The following MAP3K15 variants were observed in gnomAD, a reference collection of about 807,000 sequenced individuals.
The protein encoded by MAP3K15 is mitogen-activated protein kinase kinase kinase 15.
A neutral mutation model predicts 99.5 loss-of-function variants in MAP3K15; 124 were observed. The observed-to-expected ratio is 1.25, with a 90% confidence interval of 1.08 to 1.45. MAP3K15 has a LOEUF of 1.45. Ranked by LOEUF, MAP3K15 falls within the 40% of genes most tolerant of loss-of-function variation. The pLI is 0.00. For missense variants in MAP3K15, 1,242 were observed against 1,079.7 expected, an observed-to-expected ratio of 1.15 and a Z score of -2.11; for synonymous variants, 494 against 439.6, an observed-to-expected ratio of 1.12 and a Z score of -1.55.
At chrX:19,361,632 A>C in intron 26 of MAP3K15, 39 bp from the exon 27 acceptor site, 1 of 962,619 alleles carries the variant, frequency 1.0e-6, no homozygotes, top group Admixed American at 2.6e-5. Context: ...TAGTCTAACC[A>C]TAAAACTCTT....
intron 1 of MAP3K15, among the ~76,000 whole-genome samples, chrX:19,492,234 G>A (rs2064373129): frequency 9.1e-6 from 1 of 110,252 alleles, no homozygotes; most frequent in Non-Finnish European, 1.9e-5. Flanking sequence ...CTCAAGGCCG[G>A]CTTTGTTTCA....
chrX:19,384,856 A>T (rs1293327795), intron 18 of MAP3K15, among the ~76,000 whole-genome samples: 2 of 109,725 alleles, frequency 1.8e-5, no homozygotes, highest in South Asian at 7.9e-4. Flanking sequence ...GAGGTAATAA[A>T]TACCTTATTT....
chrX:19,478,845 C>T (rs1439247741), intron 3 of MAP3K15, among the ~76,000 whole-genome samples: 2 of 109,590 alleles, frequency 1.8e-5, no homozygotes, highest in African/African-American at 6.7e-5. Context: ...GGCTTTAGGA[C>T]ATGACAAATG....
chrX:19,388,986 C>T (rs893045889), intron 18 of MAP3K15, among the ~76,000 whole-genome samples: 11 of 111,869 alleles, frequency 9.8e-5, no homozygotes, highest in African/African-American at 3.3e-4. Flanking sequence ...CCCATACACA[C>T]CACTGCATGG....
intron 22 of MAP3K15, among the ~76,000 whole-genome samples, chrX:19,372,044 G>C (rs1325618098): frequency 9.2e-6 from 1 of 108,416 alleles, no homozygotes; most frequent in Non-Finnish European, 1.9e-5. Context: ...TGAGGCGGGA[G>C]AATCACTTGA....
rs753391485 is a variant in MAP3K15 at position 19,412,340 on chromosome X, A to G, written c.1698+1017T>C. ...TTCCATAGCTCCTACAGCTACAAAC[A>G]TACAAGTCATGTATGGGCATTCTTA... On this transcript the variant is annotated intron_variant, in intron 11 of 28. Coordinates refer to ENST00000338883, the MANE Select transcript of MAP3K15 (RefSeq NM_001001671.4). 1.8e-4 allele frequency among the ~76,000 whole-genome samples: 20 copies of G among 112,582 alleles called. No homozygotes were observed. The South Asian group carries it at 7.4e-3, about 41-fold the overall frequency.
chrX:19,505,086 G>C (rs1025647844), intron 1 of MAP3K15, among the ~76,000 whole-genome samples: 2 of 109,967 alleles, frequency 1.8e-5, no homozygotes, highest in African/African-American at 6.6e-5. Flanking sequence ...ATTTGAAAAA[G>C]TTACCTAGCC....
intron 1 of MAP3K15, among the ~76,000 whole-genome samples, chrX:19,504,330 G>A (rs1228882004): frequency 9.0e-6 from 1 of 111,001 alleles, no homozygotes; most frequent in South Asian, 3.9e-4. Context: ...GGAGGAGTGC[G>A]TCACCTAACT....
chrX:19,505,874 G>T (rs756708400), intron 1 of MAP3K15, among the ~76,000 whole-genome samples: 2 of 109,262 alleles, frequency 1.8e-5, no homozygotes, highest in South Asian at 8.1e-4. Context: ...AGCCTCCCAG[G>T]TAGCTGGGAT....
chrX:19,513,313 G>A (rs1266090109), intron 1 of MAP3K15, among the ~76,000 whole-genome samples: 1 of 112,164 alleles, frequency 8.9e-6, no homozygotes, highest in Non-Finnish European at 1.9e-5. Flanking sequence ...GGCACCAGCA[G>A]GAAGGAGAGT....
chrX:19,464,651 T>C (rs1423277001), intron 3 of MAP3K15, among the ~76,000 whole-genome samples: 1 of 111,687 alleles, frequency 9.0e-6, no homozygotes, highest in Non-Finnish European at 1.9e-5. Flanking sequence ...TCTCTGAACT[T>C]CACTGGCAGA....
intron 18 of MAP3K15, among the ~76,000 whole-genome samples, chrX:19,382,799 G>A (rs1033073075): frequency 8.9e-6 from 1 of 111,921 alleles, no homozygotes. Context: ...GTCTTGGCAG[G>A]GAATGTGCCT....
intron 6 of MAP3K15, among the ~76,000 whole-genome samples, chrX:19,436,492 G>T (rs922541080): frequency 2.7e-5 from 3 of 110,799 alleles, no homozygotes; most frequent in African/African-American, 9.9e-5. Context: ...ATCTTTCTTG[G>T]TAACTACCCT....
At chrX:19,495,378 G>A (rs915789327) in intron 1 of MAP3K15, among the ~76,000 whole-genome samples, 1 of 111,473 alleles carries the variant, frequency 9.0e-6, no homozygotes, top group Non-Finnish European at 1.9e-5. Flanking sequence ...TTCAGTGTTA[G>A]GACATCAGCA....
At chrX:19,388,592 A>T (rs1481507911) in intron 18 of MAP3K15, among the ~76,000 whole-genome samples, 1 of 111,944 alleles carries the variant, frequency 8.9e-6, no homozygotes, top group Non-Finnish European at 1.9e-5. Flanking sequence ...TTCATCAGTA[A>T]CTCACTTTAC....
At chrX:19,404,397 C>A (rs2063632826) in intron 13 of MAP3K15, among the ~76,000 whole-genome samples, 1 of 111,769 alleles carries the variant, frequency 8.9e-6, no homozygotes, top group South Asian at 3.7e-4. Flanking sequence ...GGATTGGAAG[C>A]CAGGATGGTT....
intron 1 of MAP3K15, among the ~76,000 whole-genome samples, chrX:19,499,467 T>C (rs1390608917): frequency 1.8e-5 from 2 of 112,525 alleles, no homozygotes; most frequent in Non-Finnish European, 3.7e-5. Context: ...CGACAAAAAG[T>C]CACAAAGACT....
intron 10 of MAP3K15, among the ~76,000 whole-genome samples, chrX:19,414,721 A>C (rs1378285809): frequency 8.9e-6 from 1 of 112,122 alleles, no homozygotes; most frequent in Non-Finnish European, 1.9e-5. Context: ...CACTAGTGAC[A>C]TTTTGGGCTG....
At chrX:19,423,725 G>C (rs779810251) in intron 9 of MAP3K15, among the ~76,000 whole-genome samples, 2 of 111,500 alleles carry the variant, frequency 1.8e-5, no homozygotes, top group Non-Finnish European at 3.8e-5. Flanking sequence ...TAAGCCCTTG[G>C]GATATACTGC....
Sources: gnomAD v4.1 joint callset for allele counts (sites outside exome capture counted in the v4.1 genomes callset) on GRCh38, gnomAD v4.1.1 for gene constraint, MANE v1.5 for transcripts, NCBI Gene and HGNC (gene_info 2026-07-23, HGNC 2026-07-21) for gene names.